Variants in C8orf34 observed in about 807,000 individuals in gnomAD.
C8orf34 encodes the protein chromosome 8 open reading frame 34.
C8orf34 carries 65 observed loss-of-function variants against 68.3 expected under a neutral mutation model. That is an observed-to-expected ratio of 0.95 (90% CI 0.78 to 1.17). The LOEUF (loss-of-function observed/expected upper bound fraction) is 1.17. Ranked by LOEUF, C8orf34 falls within the 50% of genes most tolerant of loss-of-function variation. The pLI, the probability that C8orf34 is intolerant of heterozygous loss-of-function variation, is 0.00. For missense variants in C8orf34, 664 were observed against 655.4 expected (o/e 1.01, Z -0.14); for synonymous variants, 244 against 241.2 (o/e 1.01, Z -0.11).
intron 7 of C8orf34, among the ~76,000 whole-genome samples, chr8:68,555,232 T>C (rs940923895): frequency 1.3e-5 from 2 of 152,138 alleles, no homozygotes; most frequent in Admixed American, 1.3e-4. Context: ...TGTACAACCT[T>C]GAGCCAATTA....
At chr8:68,481,302 G>A (rs1376429972) in intron 4 of C8orf34, among the ~76,000 whole-genome samples, 33 of 152,150 alleles carry the variant, frequency 2.2e-4, no homozygotes. Flanking sequence ...GCATGGAAAT[G>A]CCTGGATGCC....
intron 11 of C8orf34, among the ~76,000 whole-genome samples, chr8:68,786,115 G>A (rs1823837251): frequency 6.6e-6 from 1 of 152,096 alleles, no homozygotes. Flanking sequence ...TTGAAAGGGG[G>A]TAGAGATGAT....
intron 5 of C8orf34, among the ~76,000 whole-genome samples, chr8:68,509,535 A>G (rs1005211519): frequency 2.2e-5 from 1 of 45,868 alleles, no homozygotes; most frequent in African/African-American, 9.3e-5. Flanking sequence ...AGTTTGGAGG[A>G]TGCACTGAGG....
chr8:68,768,775 C>G (rs1480563459), intron 10 of C8orf34, among the ~76,000 whole-genome samples: 1 of 152,114 alleles, frequency 6.6e-6, no homozygotes, highest in East Asian at 1.9e-4. Context: ...ACTACATTCT[C>G]TTCAGCTGCC....
chr8:68,640,257 A>G, intron 7 of C8orf34, 119 bp from the exon 8 acceptor site: 2 of 846,526 alleles, frequency 2.4e-6, no homozygotes, highest in Non-Finnish European at 3.6e-6. Flanking sequence ...AGATTTTTGC[A>G]AAGGGGATAT....
intron 1 of C8orf34, among the ~76,000 whole-genome samples, chr8:68,342,048 A>G (rs1806092425): frequency 6.6e-6 from 1 of 152,184 alleles, no homozygotes; most frequent in Non-Finnish European, 1.5e-5. Context: ...TGTATACTTG[A>G]AAATTCCTAA....
At chr8:68,660,891 G>A (rs1819653689) in intron 8 of C8orf34, among the ~76,000 whole-genome samples, 2 of 151,476 alleles carry the variant, frequency 1.3e-5, no homozygotes, top group South Asian at 4.2e-4. Context: ...TCCTGACATA[G>A]CTACAAAAAG....
chr8:68,808,125 C>T (rs1264397061), intron 12 of C8orf34, among the ~76,000 whole-genome samples: 1 of 152,164 alleles, frequency 6.6e-6, no homozygotes, highest in Non-Finnish European at 1.5e-5. Flanking sequence ...TCTTCATTAT[C>T]TGGGATATTG....
intron 5 of C8orf34, among the ~76,000 whole-genome samples, chr8:68,493,283 C>T (rs1004477178): frequency 3.7e-5 from 5 of 135,550 alleles, no homozygotes; most frequent in African/African-American, 1.3e-4. Context: ...AACTCAACAA[C>T]AAAAACTAAT....
At chr8:68,388,635 G>A (rs1028893037) in intron 1 of C8orf34, among the ~76,000 whole-genome samples, 4 of 151,920 alleles carry the variant, frequency 2.6e-5, no homozygotes, top group African/African-American at 9.7e-5. Flanking sequence ...ATGAACAAGT[G>A]GATATTCATC....
intron 9 of C8orf34, among the ~76,000 whole-genome samples, chr8:68,714,535 T>TA (rs113475089): frequency 0.074 from 11,209 of 150,520 alleles, 601 homozygotes; most frequent in African/African-American, 0.15. Context: ...ATAATAGCTG[T>TA]AAAAAAAAAT....
At chr8:68,679,522 C>T (rs1326664485) in intron 8 of C8orf34, among the ~76,000 whole-genome samples, 2 of 151,994 alleles carry the variant, frequency 1.3e-5, no homozygotes, top group Non-Finnish European at 2.9e-5. Flanking sequence ...AGATTCAATG[C>T]AATCTCTATC....
chr8:68,809,984 C>A (rs772466287), intron 12 of C8orf34, among the ~76,000 whole-genome samples: 42 of 152,282 alleles, frequency 2.8e-4, no homozygotes, highest in Non-Finnish European at 6.0e-4. Context: ...TAATGGAGAG[C>A]TAACTGAATA....
At chr8:68,476,304 G>A (rs368248259) in intron 4 of C8orf34, among the ~76,000 whole-genome samples, 20 of 152,162 alleles carry the variant, frequency 1.3e-4, no homozygotes, top group African/African-American at 4.8e-4. Flanking sequence ...AGTCATAGAA[G>A]AATCTCCAAA....
intron 1 of C8orf34, among the ~76,000 whole-genome samples, chr8:68,348,464 A>T (rs1041181323): frequency 3.0e-4 from 46 of 152,000 alleles, no homozygotes; most frequent in African/African-American, 8.5e-4. Flanking sequence ...ATCGTTCCAT[A>T]TGAATTTTAA....
intron 7 of C8orf34, among the ~76,000 whole-genome samples, chr8:68,620,499 G>T (rs1818355258): frequency 6.6e-6 from 1 of 152,138 alleles, no homozygotes; most frequent in Non-Finnish European, 1.5e-5. Flanking sequence ...GATGGCCTCA[G>T]GTCCTGCACG....
chr8:68,533,905 A>G, intron 7 of C8orf34: 1 of 895,664 alleles, frequency 1.1e-6, no homozygotes, highest in Non-Finnish European at 1.3e-6. Context: ...TGCTACAAAT[A>G]AAGAGTATGA....
intron 1 of C8orf34, among the ~76,000 whole-genome samples, chr8:68,415,952 T>C (rs1809646755): frequency 6.6e-6 from 1 of 152,212 alleles, no homozygotes; most frequent in Non-Finnish European, 1.5e-5. Flanking sequence ...GGAAAGTTAC[T>C]TAAGATTTAT....
At chr8:68,395,705 C>T (rs1808675696) in intron 1 of C8orf34, among the ~76,000 whole-genome samples, 1 of 152,092 alleles carries the variant, frequency 6.6e-6, no homozygotes, top group Non-Finnish European at 1.5e-5. Context: ...ACGTAGACAA[C>T]TGTTACATTA....
Sources: gnomAD v4.1 joint callset for allele counts (sites outside exome capture counted in the v4.1 genomes callset) on GRCh38, gnomAD v4.1.1 for gene constraint, MANE v1.5 for transcripts, NCBI Gene and HGNC (gene_info 2026-07-23, HGNC 2026-07-21) for gene names.